PLIN3: variants seen among roughly 807,000 people sequenced by gnomAD.
The protein encoded by PLIN3 is perilipin-3.
PLIN3 carries 30 observed loss-of-function variants against 35.9 expected under a neutral mutation model. The observed-to-expected ratio is 0.84, with a 90% CI of 0.62 to 1.13. The LOEUF is 1.13. Ranked by LOEUF, PLIN3 falls within the 50% of genes most tolerant of loss-of-function variation. The pLI is 0.00. For synonymous variants in PLIN3, 261 were observed against 262.5 expected (o/e 0.99, Z 0.06); for missense variants, 603 against 596.9 (o/e 1.01, Z -0.11).
intron 5 of PLIN3, among the ~76,000 whole-genome samples, chr19:4,848,368 C>T (rs1413570358): frequency 1.3e-5 from 2 of 152,206 alleles, no homozygotes; most frequent in Admixed American, 1.3e-4. Flanking sequence ...TTTTCCCTAT[C>T]TGCAAAACGG....
rs145511860 is a variant in PLIN3, at chr19:4,842,524, C to T, written c.960+2144G>A. On this transcript the variant is annotated intron_variant, in intron 7 of 7. Coordinates refer to ENST00000221957, the MANE Select transcript of PLIN3 (RefSeq NM_005817.5). ...CTGAGGCAGGAGAATCGCTTGAACC[C>T]GGGAGGCAGAGGTTGCAGTGAGCCG... Among the ~76,000 whole-genome samples, 1,207 of 141,742 alleles carry T rather than the reference C, an allele frequency of 8.5e-3. 37 individuals carry two copies. Among genetic ancestry groups the T allele is most frequent in the Admixed American group, 0.064 (847 of 13,174 alleles). The allele number at this position is 141,742 out of a possible 152,430, so 93.0% of individuals were successfully genotyped here.
chr19:4,846,761 C>T (rs566354768), intron 6 of PLIN3, among the ~76,000 whole-genome samples: 60 of 152,114 alleles, frequency 3.9e-4, no homozygotes, highest in African/African-American at 1.3e-3. Context: ...CGTGAATACA[C>T]AGAGAGAAGA....
chr19:4,862,528 G>A (rs1443848437), intron 1 of PLIN3, among the ~76,000 whole-genome samples: 2 of 152,060 alleles, frequency 1.3e-5, no homozygotes, highest in East Asian at 1.9e-4. Context: ...TTACAGGAGT[G>A]AGCCACCATG....
intron 5 of PLIN3, among the ~76,000 whole-genome samples, chr19:4,850,390 G>A (rs576468679): frequency 4.0e-5 from 6 of 151,150 alleles, no homozygotes; most frequent in African/African-American, 4.9e-5. Flanking sequence ...GATTACAGAC[G>A]CCTGCCACCG....
intron 6 of PLIN3, 117 bp downstream of exon 6, chr19:4,847,574 G>A: frequency 2.4e-6 from 2 of 825,698 alleles, no homozygotes; most frequent in South Asian, 3.0e-5. Context: ...CCAGGAGCAA[G>A]CGGGAATGGC....
rs1310595082 is a variant in PLIN3, at chr19:4,847,770, T to C, written c.755A>G (p.Glu252Gly). Residue 252 changes from glutamate (E) to glycine (G), a missense_variant, in exon 6 of 8, where the codon GAG (glutamate) becomes GGG (glycine). By Grantham distance (98) the Glu-to-Gly change is moderately conservative. Coordinates refer to ENST00000221957, the MANE Select transcript of PLIN3 (RefSeq NM_005817.5). ...LSERLRQHAY[E>G]HSLGKLRATK... ...GGCTCGAAGCTTGCCCAGCGAGTGC[T>C]CATAGGCGTGCTGCCGCAGCCTCTC... 1 of 1,613,252 alleles carries C rather than the reference T, an allele frequency of 6.2e-7. No homozygotes were observed. The highest frequency in any genetic ancestry group is 8.5e-7 in the Non-Finnish European group (1 of 1,179,822).
chr19:4,863,304 C>T (rs536588773), intron 1 of PLIN3, among the ~76,000 whole-genome samples: 1 of 151,852 alleles, frequency 6.6e-6, no homozygotes, highest in East Asian at 1.9e-4. Context: ...TCGAGACCAG[C>T]CTGACCAACA....
intron 5 of PLIN3, among the ~76,000 whole-genome samples, chr19:4,850,368 C>T (rs1284390455): frequency 6.6e-6 from 1 of 151,906 alleles, no homozygotes; most frequent in Admixed American, 6.6e-5. Context: ...CCTCTGCCTC[C>T]CAAGTAGCTG....
In PLIN3 at chr19:4,839,391, AGGTCCTCCACCTGGC is replaced by A; in HGVS notation, c.1091_1105del (p.Arg364_Asp368del). 1.2e-6 allele frequency: 2 copies of A among 1,612,160 alleles called. No homozygotes were observed. Among genetic ancestry groups the A allele is most frequent in the Non-Finnish European group, 1.7e-6 (2 of 1,178,514 alleles). On this transcript the variant is annotated inframe_deletion, in exon 8 of 8. Coordinates refer to ENST00000221957, the MANE Select transcript of PLIN3 (RefSeq NM_005817.5). ...GTGGATGCTGGAAAACGTGGCCTGG[AGGTCCTCCACCTGGC>A]GGCGGGCCTGCTGCACCTGGTCCTT...
At chr19:4,844,276 C>T (rs1315783949) in intron 7 of PLIN3, among the ~76,000 whole-genome samples, 1 of 152,050 alleles carries the variant, frequency 6.6e-6, no homozygotes. Context: ...CCAGCCTGGC[C>T]AACATGGTGA....
rs1244853231 is a variant in PLIN3, at chr19:4,839,086, C to G, written c.*106G>C. 3 of 911,436 alleles carry G rather than the reference C, an allele frequency of 3.3e-6. No individual in the cohort carries two copies. The Admixed American group carries it at 7.1e-5, about 22-fold the overall frequency. 56.5% of individuals were successfully genotyped at this position (911,436 alleles called of 1,614,324 possible). On this transcript the variant is annotated 3_prime_UTR_variant, in exon 8 of 8. Transcript: ENST00000221957. ...TTCCCAAGTGGACAGCACAGAAGAGCTGGGAGGAGTGGCTAGAAAATAAGT... is the reference window on the plus strand; with the variant it reads ...TTCCCAAGTGGACAGCACAGAAGAGGTGGGAGGAGTGGCTAGAAAATAAGT...
At chr19:4,844,913 G>C in intron 6 of PLIN3, 120 bp from the exon 7 acceptor site, 1 of 1,176,072 alleles carries the variant, frequency 8.5e-7, no homozygotes, top group Non-Finnish European at 1.2e-6. Context: ...AAAGAGAAAG[G>C]GAGGGAGGGA....
chr19:4,863,497 CA>C (rs57974543), intron 1 of PLIN3, among the ~76,000 whole-genome samples: 32 of 119,966 alleles, frequency 2.7e-4, no homozygotes, highest in Admixed American at 4.5e-4. Flanking sequence ...AACTCTGTCT[CA>C]AAAAAAAAAA....
At chr19:4,849,980 T>C (rs1157533908) in intron 5 of PLIN3, among the ~76,000 whole-genome samples, 1 of 148,488 alleles carries the variant, frequency 6.7e-6, no homozygotes, top group African/African-American at 2.5e-5. Context: ...AGTTTCACTC[T>C]TGTTGCCTGG....
chr19:4,851,232 C>T (rs982483801), intron 5 of PLIN3, among the ~76,000 whole-genome samples: 2 of 151,898 alleles, frequency 1.3e-5, no homozygotes, highest in East Asian at 3.9e-4. Flanking sequence ...TTGGGGAGGC[C>T]GAGGTGGGCA....
intron 2 of PLIN3, among the ~76,000 whole-genome samples, chr19:4,860,415 G>C (rs1599174576): frequency 2.0e-5 from 3 of 151,896 alleles, no homozygotes; most frequent in Non-Finnish European, 1.5e-5. Flanking sequence ...ATGTTGGCCA[G>C]GCTGGTCTTG....
chr19:4,841,704 C>T, intron 7 of PLIN3, among the ~76,000 whole-genome samples: 1 of 150,924 alleles, frequency 6.6e-6, no homozygotes, highest in South Asian at 2.1e-4. Context: ...CGATCGGGAC[C>T]ATCCTGGCTA....
intron 7 of PLIN3, among the ~76,000 whole-genome samples, chr19:4,841,028 G>A (rs1253236465): frequency 6.6e-6 from 1 of 152,130 alleles, no homozygotes; most frequent in Non-Finnish European, 1.5e-5. Context: ...TGGAAGCCTC[G>A]TGTATTGCTG....
At position 4,847,635 on chromosome 19, in the gene PLIN3, T is replaced by C. The variant is rs2030144633; in HGVS notation, c.834+56A>G. ...AATAAGCCACTGAGCTCTGGGTGGGTGTCTGCTGCGGGGTGAAGGCTGCTG... is the reference window on the plus strand; with the variant it reads ...AATAAGCCACTGAGCTCTGGGTGGGCGTCTGCTGCGGGGTGAAGGCTGCTG... On this transcript the variant is annotated intron_variant, in intron 6 of 7. Transcript: ENST00000221957. The C allele has an allele frequency of 1.4e-6, 2 of 1,439,270 alleles. 1 individual carries two copies. Among genetic ancestry groups the C allele is most frequent in the African/African-American group, 2.8e-5 (2 of 70,848 alleles). The allele number at this position is 1,439,270 out of a possible 1,614,324, so 89.2% of individuals were successfully genotyped here.
Sources: gnomAD v4.1 joint callset for allele counts (sites outside exome capture counted in the v4.1 genomes callset) on GRCh38, gnomAD v4.1.1 for gene constraint, MANE v1.5 for transcripts, NCBI Gene and HGNC (gene_info 2026-07-23, HGNC 2026-07-21) for gene names.